Variants in TRAF3 observed in about 807,000 individuals in gnomAD.
TRAF3 encodes the protein TNF receptor-associated factor 3.
TRAF3 carries 13 observed loss-of-function variants against 62.3 expected under a neutral mutation model. The observed-to-expected ratio is 0.21, with a 90% CI of 0.14 to 0.33. TRAF3 has a LOEUF of 0.33. Ranked by LOEUF, TRAF3 falls within the 10% of genes least tolerant of loss-of-function variation. TRAF3 has a pLI of 1.00. For missense variants in TRAF3, 440 were observed against 741.8 expected (o/e 0.59, Z 4.73); for synonymous variants, 269 against 283.4 (o/e 0.95, Z 0.51).
At chr14:102,877,408 C>T (rs573788716) in intron 6 of TRAF3, among the ~76,000 whole-genome samples, 3 of 147,396 alleles carry the variant, frequency 2.0e-5, no homozygotes, top group Non-Finnish European at 4.4e-5. Context: ...GTTCCACAGG[C>T]CTTCCGCTCA....
At chr14:102,880,719 CA>C (rs1230317099) in intron 6 of TRAF3, among the ~76,000 whole-genome samples, 2 of 152,214 alleles carry the variant, frequency 1.3e-5, no homozygotes, top group African/African-American at 4.8e-5. Flanking sequence ...AAATGCCCAT[CA>C]GTGATAGACT....
chr14:102,845,461 C>T (rs1886644380), intron 2 of TRAF3, among the ~76,000 whole-genome samples: 1 of 151,884 alleles, frequency 6.6e-6, no homozygotes, highest in South Asian at 2.1e-4. Flanking sequence ...CCTCAGTCTT[C>T]CAAAGTGCTG....
At chr14:102,813,278 AT>A (rs1352716357) in intron 1 of TRAF3, among the ~76,000 whole-genome samples, 3 of 151,602 alleles carry the variant, frequency 2.0e-5, no homozygotes, top group African/African-American at 7.3e-5. Flanking sequence ...CCTGGCCTGT[AT>A]TTTTGATAAT....
At chr14:102,882,516 G>T (rs1267769087) in intron 6 of TRAF3, among the ~76,000 whole-genome samples, 3 of 151,472 alleles carry the variant, frequency 2.0e-5, no homozygotes, top group African/African-American at 7.3e-5. Context: ...ACTTGCCCTT[G>T]CCCTAGGCCA....
At chr14:102,839,190 A>C (rs1484007947) in intron 2 of TRAF3, among the ~76,000 whole-genome samples, 3 of 129,444 alleles carry the variant, frequency 2.3e-5, no homozygotes, top group African/African-American at 9.2e-5. Flanking sequence ...ACCAAGAGAG[A>C]TGCTTATTGG....
chr14:102,816,903 T>C (rs1163522446), intron 1 of TRAF3, among the ~76,000 whole-genome samples: 1 of 152,156 alleles, frequency 6.6e-6, no homozygotes, highest in Non-Finnish European at 1.5e-5. Context: ...ACCCTGTGGG[T>C]CGAGCTTTGG....
At chr14:102,889,768 G>A (rs2139936371) in intron 8 of TRAF3, 134 bp downstream of exon 8, 1 of 1,114,516 alleles carries the variant, frequency 9.0e-7, no homozygotes. Context: ...TGTTGCATGG[G>A]TGACGAAAGC....
intron 10 of TRAF3, among the ~76,000 whole-genome samples, chr14:102,900,756 G>A (rs146262061): frequency 6.6e-6 from 1 of 152,356 alleles, no homozygotes; most frequent in East Asian, 1.9e-4. Flanking sequence ...AGGTGACACG[G>A]TTGCAGCCCT....
At chr14:102,832,378 A>T (rs1900746467) in intron 2 of TRAF3, among the ~76,000 whole-genome samples, 1 of 152,168 alleles carries the variant, frequency 6.6e-6, no homozygotes, top group Non-Finnish European at 1.5e-5. Context: ...TTCAGTTAAT[A>T]TTTATCAAGC....
At chr14:102,819,826 G>A (rs1899779746) in intron 1 of TRAF3, among the ~76,000 whole-genome samples, 1 of 152,258 alleles carries the variant, frequency 6.6e-6, no homozygotes, top group South Asian at 2.1e-4. Flanking sequence ...CACTAAGTGG[G>A]ACAGTGAGAC....
Position 102,909,437 on chromosome 14 carries a change from C to T in TRAF3, c.*3653C>T, listed in dbSNP as rs963261997. The T allele has an allele frequency of 3.9e-5, 6 of 152,434 alleles. No homozygotes were observed. Among genetic ancestry groups the T allele is most frequent in the African/African-American group, 1.4e-4 (6 of 41,464 alleles). The allele number at this position is 152,434 out of a possible 1,614,324, so 9.4% of individuals were successfully genotyped here. A position where few individuals can be genotyped will look rare whatever the true frequency, so the allele number is the denominator to read the frequency against. Reference sequence around the variant, plus strand: ...CCGAGGGACAGCACCTGTGTCCCTTCGATGCCACAACAGCCAGTTGAACAG... The same window carrying T: ...CCGAGGGACAGCACCTGTGTCCCTTTGATGCCACAACAGCCAGTTGAACAG... On this transcript the variant is annotated 3_prime_UTR_variant, in exon 12 of 12. Coordinates refer to ENST00000392745, the MANE Select transcript of TRAF3 (RefSeq NM_145725.3).
intron 2 of TRAF3, among the ~76,000 whole-genome samples, chr14:102,850,329 A>G (rs577961080): frequency 6.6e-6 from 1 of 152,296 alleles, no homozygotes; most frequent in African/African-American, 2.4e-5. Context: ...AAATACAGTA[A>G]ATTCATGTCT....
chr14:102,876,347 C>T lies in TRAF3; in HGVS notation c.403-11C>T. ...TTCCCAATTAAGAACATTGAATGGT[C>T]TGTCTTACAGGTGCATTTAAAAAAT... is the stretch of plus-strand genomic sequence containing the variant. On this transcript the variant is annotated splice_polypyrimidine_tract_variant and intron_variant, in intron 5 of 11. Transcript: ENST00000392745. 6.2e-7 allele frequency: 1 copy of T among 1,613,912 alleles called. No individual in the cohort carries two copies. Among genetic ancestry groups the T allele is most frequent in the East Asian group, 2.2e-5 (1 of 44,880 alleles).
chr14:102,787,451 C>T (rs938953748), intron 1 of TRAF3, among the ~76,000 whole-genome samples: 2 of 149,650 alleles, frequency 1.3e-5, no homozygotes, highest in South Asian at 4.2e-4. Flanking sequence ...CTGAGGTGGG[C>T]GAATCACTTG....
chr14:102,826,611 A>C lies in TRAF3; in HGVS notation c.-156-3723A>C, dbSNP rs1159644366. Among the ~76,000 whole-genome samples the C allele has an allele frequency of 6.6e-6, 1 of 152,234 alleles. No individual in the cohort carries two copies. Among genetic ancestry groups the C allele is most frequent in the Admixed American group, 6.5e-5 (1 of 15,290 alleles). ...AGGGCCATTTTCATCAGAGAACAGC[A>C]TAACATTGGCAGAGGTCTGACATGT... On this transcript the variant is annotated intron_variant, in intron 1 of 11. Transcript: ENST00000392745. The surrounding 1 kb of genome is among the most constrained non-coding windows in gnomAD (Gnocchi z 4.6).
intron 2 of TRAF3, among the ~76,000 whole-genome samples, chr14:102,851,526 C>G (rs966503690): frequency 7.9e-5 from 12 of 152,252 alleles, no homozygotes; most frequent in Non-Finnish European, 1.3e-4. Context: ...GGGCGGATCA[C>G]GAGGTCAGGA....
chr14:102,861,975 A>G (rs1887704631), intron 2 of TRAF3, among the ~76,000 whole-genome samples: 1 of 152,164 alleles, frequency 6.6e-6, no homozygotes, highest in Admixed American at 6.6e-5. Flanking sequence ...ATTTGCAAGT[A>G]TTTCCTCCCA....
intron 10 of TRAF3, chr14:102,902,961 C>T (rs1011652311): frequency 2.2e-6 from 1 of 451,408 alleles, no homozygotes; most frequent in Non-Finnish European, 4.1e-6. Context: ...ACTTTGCTTT[C>T]CTGATGGCTC....
rs572865030 is a variant in TRAF3, at chr14:102,826,597, C to T, written c.-156-3737C>T. 3.5e-4 allele frequency among the ~76,000 whole-genome samples: 54 copies of T among 152,300 alleles called. No homozygotes were observed. The highest frequency in any genetic ancestry group is 1.3e-3 in the African/African-American group (53 of 41,560). Reference sequence around the variant, plus strand: ...AGACAAGGCAAAGAAGGGCCATTTTCATCAGAGAACAGCATAACATTGGCA... The same window carrying T: ...AGACAAGGCAAAGAAGGGCCATTTTTATCAGAGAACAGCATAACATTGGCA... On this transcript the variant is annotated intron_variant, in intron 1 of 11. Transcript: ENST00000392745. This position sits in a 1 kb window ranked among gnomAD's most constrained non-coding sequence, Gnocchi z 4.6.
Sources: gnomAD v4.1 joint callset for allele counts (sites outside exome capture counted in the v4.1 genomes callset) on GRCh38, gnomAD v4.1.1 for gene constraint, Gnocchi (gnomAD v3.1) non-coding constraint, MANE v1.5 for transcripts, NCBI Gene and HGNC (gene_info 2026-07-23, HGNC 2026-07-21) for gene names.